Variants in PKD1L1 observed in about 807,000 individuals in gnomAD.
PKD1L1 encodes polycystin-1-like protein 1.
Under a neutral mutation model 323.4 loss-of-function variants are expected in PKD1L1, and 236 were observed. The ratio of observed to expected loss-of-function variants is 0.73; its 90% CI spans 0.66 to 0.81. PKD1L1 has a LOEUF of 0.81. Among genes scored for constraint, PKD1L1 ranks in the 40% least tolerant of loss-of-function variants. The pLI, the probability that PKD1L1 is intolerant of heterozygous loss-of-function variation, is 0.00. For missense variants in PKD1L1, 3,320 were observed against 3,508.0 expected (o/e 0.95, Z 1.35); for synonymous variants, 1,344 against 1,335.0 (o/e 1.01, Z -0.15).
chr7:47,817,671 CCAGCCTG>C (rs1785048929), intron 46 of PKD1L1, among the ~76,000 whole-genome samples: 1 of 152,110 alleles, frequency 6.6e-6, no homozygotes. Context: ...GAATTTGAGA[CCAGCCTG>C]GCCAATATGG....
At chr7:47,870,445 T>C (rs1008366874) in intron 24 of PKD1L1, among the ~76,000 whole-genome samples, 5 of 151,848 alleles carry the variant, frequency 3.3e-5, no homozygotes, top group African/African-American at 9.7e-5. Flanking sequence ...ACTGACCATA[T>C]AGAAATAAAA....
At chr7:47,800,032 T>C (rs911522977) in intron 54 of PKD1L1, among the ~76,000 whole-genome samples, 4 of 152,240 alleles carry the variant, frequency 2.6e-5, no homozygotes, top group African/African-American at 9.6e-5. Flanking sequence ...AACTTTTCCA[T>C]TGTTTACTGA....
In PKD1L1 at chr7:47,833,323, G is replaced by T; in HGVS notation, c.6175-71C>A. The T allele has an allele frequency of 2.6e-6, 4 of 1,519,952 alleles. No individual in the cohort carries two copies. The South Asian group carries it at 5.0e-5, about 19-fold the overall frequency. 94.2% of individuals were successfully genotyped at this position (1,519,952 alleles called of 1,614,324 possible). A position where few individuals can be genotyped will look rare whatever the true frequency, so the allele number is the denominator to read the frequency against. On this transcript the variant is annotated intron_variant, in intron 40 of 56. Coordinates refer to ENST00000289672, the MANE Select transcript of PKD1L1 (RefSeq NM_138295.5). ...GCTTCACACGTGACGCTCAACAGTGGTGTGGCTTGCCGCCTTCTCAGAGGA... is the reference window on the plus strand; with the variant it reads ...GCTTCACACGTGACGCTCAACAGTGTTGTGGCTTGCCGCCTTCTCAGAGGA...
At chr7:47,904,904 C>T (rs1055497848) in intron 11 of PKD1L1, among the ~76,000 whole-genome samples, 5 of 152,064 alleles carry the variant, frequency 3.3e-5, no homozygotes, top group Non-Finnish European at 7.4e-5. Flanking sequence ...ACATGGGTGG[C>T]CGAGATAGAA....
Position 47,886,013 on chromosome 7 carries a change from G to A in PKD1L1, c.2878C>T (p.Leu960Phe), listed in dbSNP as rs1235964363. The A allele has an allele frequency of 1.2e-6, 2 of 1,614,136 alleles. No individual in the cohort carries two copies. The highest frequency in any genetic ancestry group is 1.1e-5 in the South Asian group (1 of 91,078). ...RVVGLLGSLG[L>F]GAISESSQLN... ...TGTGATGACTCTGAAATGGCACCGA[G>A]TCCCAGCGAGCCAAGCAGCCCCACT... Residue 960 changes from leucine to phenylalanine, a missense_variant, in exon 18 of 57, where the codon CTC becomes TTC. Transcript: ENST00000289672.
intron 34 of PKD1L1, among the ~76,000 whole-genome samples, chr7:47,841,825 T>C (rs1785568304): frequency 6.6e-6 from 1 of 152,220 alleles, no homozygotes; most frequent in African/African-American, 2.4e-5. Context: ...AACTCCATGT[T>C]ATAAATAGTT....
chr7:47,833,050 G>T, intron 41 of PKD1L1, 40 bp downstream of exon 41: 1 of 1,582,986 alleles, frequency 6.3e-7, no homozygotes, highest in Non-Finnish European at 8.6e-7. Context: ...AGGTCTGCTG[G>T]ACTGGCAGGA....
Position 47,905,843 on chromosome 7 carries a change from A to G in PKD1L1, c.1522T>C (p.Ser508Pro), listed in dbSNP as rs777860409. ...HSMTVWYKMQSVSVYTNGTVF... is the reference protein window; with the variant it reads ...HSMTVWYKMQPVSVYTNGTVF... ...ATCTGGAATTAAAACAAAGACATAC[A>G]TTGCATCTTATACCAGACAGTCATG... The change falls in exon 10 of 57, where the codon TCC becomes CCC. Residue 508 changes from serine to proline, a missense_variant and splice_region_variant. Transcript: ENST00000289672. 8.1e-6 allele frequency: 13 copies of G among 1,611,902 alleles called. No homozygotes were observed. Among genetic ancestry groups the G allele is most frequent in the Non-Finnish European group, 1.1e-5 (13 of 1,179,600 alleles).
At chr7:47,896,794 C>T (rs1351560162) in intron 14 of PKD1L1, among the ~76,000 whole-genome samples, 1 of 152,152 alleles carries the variant, frequency 6.6e-6, no homozygotes, top group Non-Finnish European at 1.5e-5. Flanking sequence ...AGGTCAGATG[C>T]TCCCCACCAC....
chr7:47,796,343 G>A (rs971783474), intron 54 of PKD1L1, among the ~76,000 whole-genome samples, 193 bp from the exon 55 acceptor site: 1 of 152,272 alleles, frequency 6.6e-6, no homozygotes, highest in Admixed American at 6.5e-5. Flanking sequence ...CTAAATGGCA[G>A]TAAGATGATC....
rs963045990 is a variant in PKD1L1, at chr7:47,855,661, G to A, written c.4591-396C>T. Among the ~76,000 whole-genome samples the A allele has an allele frequency of 3.6e-4, 35 of 97,994 alleles. 6 individuals are homozygous for A. The highest frequency in any genetic ancestry group is 5.4e-4 in the African/African-American group (9 of 16,798). The allele number at this position is 97,994 out of a possible 152,430, so 64.3% of individuals were successfully genotyped here. On this transcript the variant is annotated intron_variant, in intron 28 of 56. Transcript: ENST00000289672. ...GGAGGCCGAGGCGGGCGGATCACGA[G>A]GTCAGGAGATCGAGACCATCCCGGC... is the stretch of plus-strand genomic sequence containing the variant.
intron 52 of PKD1L1, among the ~76,000 whole-genome samples, chr7:47,805,106 C>T (rs1422514459): frequency 3.3e-5 from 5 of 152,078 alleles, no homozygotes; most frequent in Non-Finnish European, 4.4e-5. Flanking sequence ...CACACACACA[C>T]ACACACACAC....
intron 31 of PKD1L1, among the ~76,000 whole-genome samples, chr7:47,850,961 T>G: frequency 6.6e-6 from 1 of 152,164 alleles, no homozygotes; most frequent in East Asian, 1.9e-4. Context: ...TCTCAAGTTC[T>G]CATATTTTGG....
chr7:47,837,197 T>C, intron 36 of PKD1L1, 103 bp from the exon 37 acceptor site: 1 of 1,322,830 alleles, frequency 7.6e-7, no homozygotes, highest in Non-Finnish European at 1.0e-6. Flanking sequence ...CCACGAGCTT[T>C]CTGGTTCTTC....
chr7:47,955,124 G>T, the PKD1L1 span, among the ~76,000 whole-genome samples: 2 of 152,200 alleles, frequency 1.3e-5, no homozygotes, highest in Non-Finnish European at 2.9e-5. Flanking sequence ...GACACTGATT[G>T]ATCCTCATCC....
At position 47,885,824 on chromosome 7, in the gene PKD1L1, C is replaced by T. The variant is rs756003713; in HGVS notation, c.3067G>A (p.Gly1023Arg). The change falls in exon 18 of 57, where the codon GGG (glycine) becomes AGG (arginine). Residue 1023 changes from glycine to arginine, a missense_variant. Gly to Arg is a moderately radical substitution (Grantham distance 125). Coordinates refer to ENST00000289672, the MANE Select transcript of PKD1L1 (RefSeq NM_138295.5). ...MTGVYWIPPA[G>R]DSAVLGEAPE... The stretch of plus-strand genomic sequence containing the variant: ...GCCTCCCCCAGGACTGCAGAGTCCC[C>T]CGCAGGAGGAATCCAGTAGACTCCA... The T allele has an allele frequency of 8.1e-6, 13 of 1,614,074 alleles. No individual in the cohort carries two copies. In the East Asian group the frequency reaches 2.7e-4, roughly 33 times the overall value.
intron 16 of PKD1L1, among the ~76,000 whole-genome samples, chr7:47,890,001 G>T (rs1005574449): frequency 1.3e-5 from 2 of 152,316 alleles, no homozygotes; most frequent in East Asian, 1.9e-4. Context: ...GGTGTCCGGG[G>T]GCTGCACTAC....
At chr7:47,829,911 T>C in intron 43 of PKD1L1, 129 bp downstream of exon 43, 1 of 907,712 alleles carries the variant, frequency 1.1e-6, no homozygotes, top group Non-Finnish European at 1.8e-6. Flanking sequence ...CTCCTGGTTC[T>C]CTCCAACCAC....
chr7:47,868,378 C>G (rs1316363720), intron 24 of PKD1L1, among the ~76,000 whole-genome samples: 4 of 150,738 alleles, frequency 2.7e-5, no homozygotes, highest in Non-Finnish European at 5.9e-5. Context: ...CAAGGCAAAA[C>G]AAAACAAAAC....
Sources: allele counts gnomAD v4.1 joint callset (sites outside exome capture counted in the v4.1 genomes callset), GRCh38; gene constraint gnomAD v4.1.1; transcripts MANE v1.5; gene names NCBI Gene and HGNC (gene_info 2026-07-23, HGNC 2026-07-21).